SMPD3: variants seen among roughly 807,000 people sequenced by gnomAD.
The protein encoded by SMPD3 is sphingomyelin phosphodiesterase 3, also known as nSMase-2.
In SMPD3, 21 loss-of-function variants were observed where a neutral mutation model predicts 55.7. That is an observed-to-expected ratio of 0.38 (90% confidence interval 0.27 to 0.54). The LOEUF (loss-of-function observed/expected upper bound fraction) is 0.54, where lower values mean the gene tolerates loss of function less well. Among genes scored for constraint, SMPD3 ranks in the 20% least tolerant of loss-of-function variants. The probability of loss-of-function intolerance (pLI) is 0.80; values close to 1 mark genes in which losing one functional copy is unlikely to be tolerated. For synonymous variants in SMPD3, 457 were observed against 404.3 expected (o/e 1.13, Z -1.56); for missense variants, 842 against 899.6 (o/e 0.94, Z 0.82).
intron 1 of SMPD3, among the ~76,000 whole-genome samples, chr16:68,429,972 T>G (rs2090466769): frequency 6.6e-6 from 1 of 152,122 alleles, no homozygotes; most frequent in Non-Finnish European, 1.5e-5. Context: ...CCCACTCCCC[T>G]CTTTGAAAGT....
intron 1 of SMPD3, among the ~76,000 whole-genome samples, chr16:68,408,938 G>A (rs755414994): frequency 1.3e-5 from 2 of 152,142 alleles, no homozygotes; most frequent in South Asian, 2.1e-4. Context: ...CTTTGCTTTA[G>A]AAGGATCTGT....
At chr16:68,395,377 T>C (rs1296981673) in intron 1 of SMPD3, among the ~76,000 whole-genome samples, 2 of 152,242 alleles carry the variant, frequency 1.3e-5, no homozygotes, top group African/African-American at 4.8e-5. Context: ...GAGTGACAGA[T>C]TGATTGGTGT....
At chr16:68,390,891 C>T (rs2090105489) in intron 1 of SMPD3, among the ~76,000 whole-genome samples, 1 of 152,074 alleles carries the variant, frequency 6.6e-6, no homozygotes, top group South Asian at 2.1e-4. Flanking sequence ...AGAGTAGCTG[C>T]TAGGGATGGC....
intron 1 of SMPD3, among the ~76,000 whole-genome samples, chr16:68,420,813 CATTA>C (rs1248670784): frequency 6.6e-6 from 1 of 152,204 alleles, no homozygotes; most frequent in Non-Finnish European, 1.5e-5. Flanking sequence ...ACTTTGTAAG[CATTA>C]ATTAAGCTTC....
intron 1 of SMPD3, among the ~76,000 whole-genome samples, chr16:68,413,314 T>C (rs1307502402): frequency 6.6e-6 from 1 of 152,152 alleles, no homozygotes; most frequent in Non-Finnish European, 1.5e-5. Context: ...AGCTCCCCTT[T>C]CCACATGGGA....
At chr16:68,444,152 G>A (rs2090590230) in intron 1 of SMPD3, among the ~76,000 whole-genome samples, 1 of 152,110 alleles carries the variant, frequency 6.6e-6, no homozygotes, top group Non-Finnish European at 1.5e-5. Flanking sequence ...AATCAGCTTT[G>A]GGGAAATCCT....
chr16:68,364,631 G>A (rs1031182707), intron 5 of SMPD3, 120 bp downstream of exon 5: 29 of 1,148,470 alleles, frequency 2.5e-5, no homozygotes, highest in Admixed American at 9.2e-5. Flanking sequence ...TAAATACCCC[G>A]CCCACATGCT....
At chr16:68,416,799 CAG>C (rs1567805557) in intron 1 of SMPD3, among the ~76,000 whole-genome samples, 1 of 152,062 alleles carries the variant, frequency 6.6e-6, no homozygotes, top group African/African-American at 2.4e-5. Flanking sequence ...ACAGGTGTGT[CAG>C]AGCATAGGCC....
At chr16:68,362,214 C>T (rs1414370792) in intron 7 of SMPD3, among the ~76,000 whole-genome samples, 1 of 152,162 alleles carries the variant, frequency 6.6e-6, no homozygotes, top group African/African-American at 2.4e-5. Flanking sequence ...GGGGCTGTCC[C>T]TACGTGGCTG....
At chr16:68,387,597 G>A (rs1421962362) in intron 1 of SMPD3, among the ~76,000 whole-genome samples, 5 of 152,174 alleles carry the variant, frequency 3.3e-5, no homozygotes, top group East Asian at 1.9e-4. Flanking sequence ...CCTTGGCTCC[G>A]GGGCCCGCCC....
intron 1 of SMPD3, among the ~76,000 whole-genome samples, chr16:68,395,409 T>C (rs749670443): frequency 6.6e-6 from 1 of 152,248 alleles, no homozygotes; most frequent in Non-Finnish European, 1.5e-5. Flanking sequence ...CCAAAAAAGA[T>C]TCTATTTTAT....
intron 1 of SMPD3, among the ~76,000 whole-genome samples, chr16:68,408,503 G>C (rs879116230): frequency 1.3e-5 from 2 of 152,146 alleles, no homozygotes; most frequent in Admixed American, 1.3e-4. Context: ...AATTTTTTTG[G>C]TGAGAAGTAA....
chr16:68,362,761 C>T (rs972434068), intron 7 of SMPD3, among the ~76,000 whole-genome samples: 1 of 152,256 alleles, frequency 6.6e-6, no homozygotes, highest in Non-Finnish European at 1.5e-5. Flanking sequence ...CCATCACTGT[C>T]CTTTGCCCTT....
intron 1 of SMPD3, among the ~76,000 whole-genome samples, chr16:68,392,835 GAAAAAA>G (rs60841057): frequency 5.7e-5 from 5 of 88,292 alleles, no homozygotes; most frequent in Admixed American, 3.0e-4. Context: ...CGCTGTCTGG[GAAAAAA>G]AAAAAAAAAA....
chr16:68,375,704 C>A lies in SMPD3; in HGVS notation c.-206-3317G>T, dbSNP rs184140920. ...AACCCTGTGGGCCAGCTTCCCATGG[C>A]CCTGCCAGCAATGGTAGTGAGTGGC... On this transcript the variant is annotated intron_variant, in intron 2 of 8. Transcript: ENST00000219334. Among the ~76,000 whole-genome samples, 40 of 152,306 alleles carry A rather than the reference C, an allele frequency of 2.6e-4. No individual in the cohort carries two copies. The East Asian group carries it at 7.3e-3, about 28-fold the overall frequency.
At chr16:68,364,423 A>G in intron 5 of SMPD3, 1 of 289,778 alleles carries the variant, frequency 3.5e-6, no homozygotes, top group Non-Finnish European at 6.4e-6. Flanking sequence ...CAGCGATAGA[A>G]TGGCAGCTGG....
chr16:68,373,782 C>G (rs2089736555), intron 2 of SMPD3, among the ~76,000 whole-genome samples: 1 of 152,184 alleles, frequency 6.6e-6, no homozygotes, highest in African/African-American at 2.4e-5. Context: ...TACTGGAACT[C>G]CCTCAGCCCT....
At chr16:68,442,054 C>T (rs565742578) in intron 1 of SMPD3, among the ~76,000 whole-genome samples, 30 of 152,210 alleles carry the variant, frequency 2.0e-4, no homozygotes, top group Non-Finnish European at 4.1e-4. Context: ...GCATGAGCAA[C>T]CGTGCCTGGG....
chr16:68,403,298 G>A (rs192875165), intron 1 of SMPD3, among the ~76,000 whole-genome samples: 249 of 152,282 alleles, frequency 1.6e-3, no homozygotes, highest in Middle Eastern at 3.4e-3. Flanking sequence ...AGCACCCTGA[G>A]GACAGGGATT....
Sources: gnomAD v4.1 joint callset for allele counts (sites outside exome capture counted in the v4.1 genomes callset) on GRCh38, gnomAD v4.1.1 for gene constraint, MANE v1.5 for transcripts, NCBI Gene and HGNC (gene_info 2026-07-23, HGNC 2026-07-21) for gene names.